Variants in CLEC16A observed in about 807,000 individuals in gnomAD.
CLEC16A encodes the protein protein CLEC16A.
CLEC16A carries 51 observed loss-of-function variants against 109.5 expected under a neutral mutation model. The ratio of observed to expected loss-of-function variants is 0.47; its 90% confidence interval spans 0.37 to 0.59. The LOEUF (loss-of-function observed/expected upper bound fraction) is 0.59, where lower values mean the gene tolerates loss of function less well. CLEC16A is among the 20% of genes least tolerant of loss of function. CLEC16A has a pLI of 0.00. For synonymous variants in CLEC16A, 673 were observed against 564.2 expected, an observed-to-expected ratio of 1.19 and a Z score of -2.73; for missense variants, 1,339 against 1,394.0, an observed-to-expected ratio of 0.96 and a Z score of 0.63.
intron 11 of CLEC16A, among the ~76,000 whole-genome samples, chr16:11,005,061 A>G (rs760074836): frequency 2.0e-5 from 3 of 152,262 alleles, no homozygotes; most frequent in Non-Finnish European, 2.9e-5. Flanking sequence ...CATTTTGTGC[A>G]TTGTGTTCTC....
At chr16:10,966,782 GA>G (rs1596786470) in intron 3 of CLEC16A, among the ~76,000 whole-genome samples, 1 of 152,100 alleles carries the variant, frequency 6.6e-6, no homozygotes, top group Non-Finnish European at 1.5e-5. Context: ...CAGGATGGGG[GA>G]AACCACCCCC....
chr16:11,124,556 G>A (rs138643486), intron 21 of CLEC16A, among the ~76,000 whole-genome samples: 2 of 152,362 alleles, frequency 1.3e-5, no homozygotes, highest in African/African-American at 2.4e-5. Flanking sequence ...GTATTAGGAA[G>A]GCCAGGATTT....
At chr16:10,974,939 T>C (rs897967461) in intron 7 of CLEC16A, among the ~76,000 whole-genome samples, 1 of 152,226 alleles carries the variant, frequency 6.6e-6, no homozygotes, top group African/African-American at 2.4e-5. Context: ...AGGAGGTCAA[T>C]AGATAATACC....
At chr16:11,018,764 A>AAAAAAAAAAAAC in intron 11 of CLEC16A, among the ~76,000 whole-genome samples, 1 of 151,366 alleles carries the variant, frequency 6.6e-6, no homozygotes, top group Admixed American at 6.6e-5. Context: ...AAAAAAAAAA[A>AAAAAAAAAAAAC]ATGGAGACAA....
At chr16:10,973,988 T>C (rs2042922598) in intron 7 of CLEC16A, among the ~76,000 whole-genome samples, 1 of 138,796 alleles carries the variant, frequency 7.2e-6, no homozygotes, top group Non-Finnish European at 1.5e-5. Flanking sequence ...CACCTCTGCC[T>C]CCTGGATTCA....
chr16:11,147,974 C>G (rs974080870), intron 22 of CLEC16A, among the ~76,000 whole-genome samples: 1 of 152,150 alleles, frequency 6.6e-6, no homozygotes, highest in African/African-American at 2.4e-5. Flanking sequence ...TTCTTTTTGA[C>G]TTTGAGAAAA....
intron 19 of CLEC16A, 59 bp from the exon 20 acceptor site, chr16:11,120,556 C>G: frequency 5.2e-6 from 8 of 1,527,048 alleles, no homozygotes; most frequent in Middle Eastern, 1.7e-4. Flanking sequence ...GCTTTGGTGT[C>G]TCCATCACCC....
chr16:11,155,095 C>T (rs1326966799), intron 22 of CLEC16A, among the ~76,000 whole-genome samples: 3 of 152,124 alleles, frequency 2.0e-5, no homozygotes, highest in East Asian at 3.9e-4. Flanking sequence ...CACTGCACTC[C>T]AGGCTTGGTG....
intron 12 of CLEC16A, among the ~76,000 whole-genome samples, chr16:11,020,594 C>T (rs1471665234): frequency 1.3e-5 from 2 of 152,250 alleles, no homozygotes; most frequent in African/African-American, 2.4e-5. Flanking sequence ...TGGAGCTTGG[C>T]TCTGTCTAAA....
At chr16:11,115,334 AT>A (rs1310423765) in intron 19 of CLEC16A, among the ~76,000 whole-genome samples, 2 of 152,176 alleles carry the variant, frequency 1.3e-5, no homozygotes, top group Admixed American at 1.3e-4. Flanking sequence ...TTTAAAGAGT[AT>A]TTTTTAAAAG....
At chr16:11,163,311 GA>G (rs890256002) in intron 22 of CLEC16A, among the ~76,000 whole-genome samples, 138 of 151,108 alleles carry the variant, frequency 9.1e-4, no homozygotes, top group African/African-American at 3.1e-3. Context: ...CAAAATAAAG[GA>G]AAAAAAAAGC....
intron 19 of CLEC16A, among the ~76,000 whole-genome samples, chr16:11,072,963 C>T (rs1035898232): frequency 1.3e-5 from 2 of 152,078 alleles, no homozygotes; most frequent in East Asian, 1.9e-4. Context: ...AAGTGGGTGC[C>T]GTCTGATTGA....
At position 11,178,263 on chromosome 16, in the gene CLEC16A, G is replaced by T; in HGVS notation, c.2807-72G>T. 1 of 1,392,358 alleles carries T rather than the reference G, an allele frequency of 7.2e-7. No homozygotes were observed. Among genetic ancestry groups the T allele is most frequent in the Non-Finnish European group, 1.0e-6 (1 of 1,004,196 alleles). 86.3% of individuals were successfully genotyped at this position (1,392,358 alleles called of 1,614,324 possible). On this transcript the variant is annotated intron_variant, in intron 23 of 23. Transcript: ENST00000409790. The surrounding 1 kb of genome is among the most constrained non-coding windows in gnomAD (Gnocchi z 6.5). ...CTCACCAGGGCCGCGGTTCAGGATG[G>T]GAGCACAGGGCGCAGTGCGACGGGG...
At chr16:10,951,168 G>A in intron 1 of CLEC16A, among the ~76,000 whole-genome samples, 1 of 152,172 alleles carries the variant, frequency 6.6e-6, no homozygotes, top group East Asian at 1.9e-4. Context: ...GTTGGTTACA[G>A]TTTCTCTTCT....
At chr16:10,946,262 T>C (rs1216561546) in intron 1 of CLEC16A, among the ~76,000 whole-genome samples, 1 of 151,744 alleles carries the variant, frequency 6.6e-6, no homozygotes, top group Non-Finnish European at 1.5e-5. Flanking sequence ...GTGGAAAGGA[T>C]TGGTGGGAGG....
intron 22 of CLEC16A, among the ~76,000 whole-genome samples, chr16:11,156,080 G>A (rs1486767136): frequency 6.6e-6 from 1 of 152,156 alleles, no homozygotes; most frequent in East Asian, 1.9e-4. Context: ...TGGCGCTCCT[G>A]GCCGGGCATG....
rs55810681 is a variant in CLEC16A, at chr16:10,953,976, C to CAA, written c.81-3794_81-3793dup. Among the ~76,000 whole-genome samples, 1,152 of 145,582 alleles carry CAA rather than the reference C, an allele frequency of 7.9e-3. 12 individuals are homozygous for CAA. Among genetic ancestry groups the CAA allele is most frequent in the African/African-American group, 0.019 (726 of 38,916 alleles). ...TGGGCGACAGAGCAAGACTCCGTCT[C>CAA]AAAAAAAAAAAAATGGGCAAAAGAC... On this transcript the variant is annotated intron_variant, in intron 1 of 23. Coordinates refer to ENST00000409790, the MANE Select transcript of CLEC16A (RefSeq NM_015226.3).
intron 16 of CLEC16A, 149 bp downstream of exon 16, chr16:11,044,221 C>A (rs1035793762): frequency 4.1e-5 from 24 of 587,036 alleles, no homozygotes; most frequent in African/African-American, 3.8e-4. Flanking sequence ...TTTCATAGTC[C>A]CTAGAGTAGC....
At chr16:11,068,752 G>A (rs1281606958) in intron 19 of CLEC16A, among the ~76,000 whole-genome samples, 2 of 152,136 alleles carry the variant, frequency 1.3e-5, no homozygotes, top group Non-Finnish European at 2.9e-5. Flanking sequence ...GTGTCCTCAG[G>A]TTCTGCATCT....
Sources: gnomAD v4.1 joint callset for allele counts (sites outside exome capture counted in the v4.1 genomes callset) on GRCh38, gnomAD v4.1.1 for gene constraint, Gnocchi (gnomAD v3.1) non-coding constraint, MANE v1.5 for transcripts, NCBI Gene and HGNC (gene_info 2026-07-23, HGNC 2026-07-21) for gene names.